VAC14: variants seen among roughly 807,000 people sequenced by gnomAD.
The protein encoded by VAC14 is protein VAC14 homolog.
In VAC14, 47 loss-of-function variants were observed where a neutral mutation model predicts 85.3. The ratio of observed to expected loss-of-function variants is 0.55; its 90% CI spans 0.44 to 0.70. The LOEUF (loss-of-function observed/expected upper bound fraction) is 0.70, where lower values mean the gene tolerates loss of function less well. Among genes scored for constraint, VAC14 ranks in the 30% least tolerant of loss-of-function variants. VAC14 has a pLI of 0.00. For synonymous variants in VAC14, 447 were observed against 430.5 expected, an observed-to-expected ratio of 1.04 and a Z score of -0.47; for missense variants, 861 against 1,004.3, an observed-to-expected ratio of 0.86 and a Z score of 1.93.
intron 4 of VAC14, among the ~76,000 whole-genome samples, chr16:70,784,493 C>T (rs2033958796): frequency 6.6e-6 from 1 of 152,102 alleles, no homozygotes; most frequent in Non-Finnish European, 1.5e-5. Context: ...TGCCCAGGCC[C>T]CTGCTGTCAG....
intron 14 of VAC14, among the ~76,000 whole-genome samples, chr16:70,713,086 A>C (rs1281713580): frequency 6.6e-6 from 1 of 152,212 alleles, no homozygotes; most frequent in African/African-American, 2.4e-5. Flanking sequence ...GTTTCATCTA[A>C]AACCAGGCAA....
chr16:70,737,561 G>A (rs2054798195), intron 13 of VAC14, among the ~76,000 whole-genome samples: 1 of 152,184 alleles, frequency 6.6e-6, no homozygotes, highest in Non-Finnish European at 1.5e-5. Context: ...CAAGTGAGGA[G>A]CCTGCCAGCC....
chr16:70,760,678 G>A (rs2032256638), intron 12 of VAC14, among the ~76,000 whole-genome samples: 1 of 152,190 alleles, frequency 6.6e-6, no homozygotes, highest in South Asian at 2.1e-4. Context: ...GAACAGCGCT[G>A]TTTAATGGAC....
intron 14 of VAC14, among the ~76,000 whole-genome samples, chr16:70,721,007 G>A (rs1597881869): frequency 6.6e-6 from 1 of 152,256 alleles, no homozygotes; most frequent in African/African-American, 2.4e-5. Context: ...AGGCCAAAGT[G>A]GATGATGCGA....
intron 14 of VAC14, among the ~76,000 whole-genome samples, chr16:70,721,332 T>G (rs2054286771): frequency 6.8e-6 from 1 of 148,058 alleles, no homozygotes; most frequent in African/African-American, 2.5e-5. Flanking sequence ...GGGATGGGGA[T>G]GGGAGGAAGG....
chr16:70,731,047 G>T (rs755674984), intron 14 of VAC14, among the ~76,000 whole-genome samples: 4 of 152,144 alleles, frequency 2.6e-5, no homozygotes, highest in Non-Finnish European at 5.9e-5. Flanking sequence ...CCAGCCTCTG[G>T]GGCTGGTGCC....
At chr16:70,795,263 G>C (rs1272912292) in intron 1 of VAC14, among the ~76,000 whole-genome samples, 1 of 151,960 alleles carries the variant, frequency 6.6e-6, no homozygotes, top group African/African-American at 2.4e-5. Flanking sequence ...TCAGGAGATC[G>C]GGACCATCCT....
At chr16:70,793,150 C>G (rs1343242028) in intron 1 of VAC14, among the ~76,000 whole-genome samples, 1 of 152,204 alleles carries the variant, frequency 6.6e-6, no homozygotes, top group East Asian at 1.9e-4. Context: ...TATACACTTT[C>G]ACACAGTGCT....
At chr16:70,729,681 C>G (rs2054533475) in intron 14 of VAC14, among the ~76,000 whole-genome samples, 2 of 152,070 alleles carry the variant, frequency 1.3e-5, no homozygotes, top group Admixed American at 1.3e-4. Flanking sequence ...CCAACCATTA[C>G]AGTCTGGAAC....
chr16:70,688,787 C>T (rs553173241), intron 18 of VAC14: 81 of 985,482 alleles, frequency 8.2e-5, no homozygotes, highest in Non-Finnish European at 9.6e-5. Context: ...CTTGCTGTCC[C>T]TGTCAAGCCC....
At chr16:70,703,910 G>A (rs2053875290) in intron 14 of VAC14, among the ~76,000 whole-genome samples, 1 of 152,230 alleles carries the variant, frequency 6.6e-6, no homozygotes, top group African/African-American at 2.4e-5. Flanking sequence ...GCTGAGACCA[G>A]GGTAGGAGAG....
At chr16:70,721,514 G>C (rs1445616971) in intron 14 of VAC14, among the ~76,000 whole-genome samples, 1 of 152,174 alleles carries the variant, frequency 6.6e-6, no homozygotes, top group African/African-American at 2.4e-5. Context: ...CATCAGGAGA[G>C]GTCTCTGTGG....
Position 70,761,905 on chromosome 16 carries a change from C to T in VAC14, c.1371+635G>A, listed in dbSNP as rs1164288443. ...TTTTACATGGATCATTTCCCTCTCACATCCCCCTATGGTTACTGCCCTCAT... is the reference window on the plus strand; with the variant it reads ...TTTTACATGGATCATTTCCCTCTCATATCCCCCTATGGTTACTGCCCTCAT... On this transcript the variant is annotated intron_variant, in intron 12 of 18. Coordinates refer to ENST00000261776, the MANE Select transcript of VAC14 (RefSeq NM_018052.5). 3.3e-5 allele frequency among the ~76,000 whole-genome samples: 5 copies of T among 152,232 alleles called. No homozygotes were observed. In the South Asian group the frequency reaches 8.3e-4, roughly 25 times the overall value.
chr16:70,779,260 T>A (rs575880038), intron 9 of VAC14: 1 of 152,276 alleles, frequency 6.6e-6, no homozygotes, highest in Non-Finnish European at 1.5e-5. Context: ...GGGGCATGCA[T>A]GCTTGACATT....
chr16:70,746,092 C>G (rs1346837060), intron 12 of VAC14, among the ~76,000 whole-genome samples: 3 of 152,216 alleles, frequency 2.0e-5, no homozygotes, highest in African/African-American at 7.2e-5. Context: ...CCTACCCCCT[C>G]AAAAGCCATT....
intron 13 of VAC14, 49 bp from the exon 14 acceptor site, chr16:70,731,676 A>T: frequency 7.0e-6 from 11 of 1,567,686 alleles, no homozygotes; most frequent in Non-Finnish European, 9.5e-6. Context: ...ATGTGTCCAC[A>T]GGGTGATGAG....
rs145204669 is a variant in VAC14 at position 70,735,956 on chromosome 16, C to G, written c.1529-4329G>C. On this transcript the variant is annotated intron_variant, in intron 13 of 18. Coordinates refer to ENST00000261776, the MANE Select transcript of VAC14 (RefSeq NM_018052.5). ...GGGCTGATCTCTAAAGAGGTGGCTG[C>G]AGAGACAGCTGTTGAGACAGCCCTG... Among the ~76,000 whole-genome samples, 554 of 152,358 alleles carry G rather than the reference C, an allele frequency of 3.6e-3. 2 individuals are homozygous for G. The highest frequency in any genetic ancestry group is 0.014 in the South Asian group (69 of 4,832).
intron 14 of VAC14, among the ~76,000 whole-genome samples, chr16:70,717,824 C>CT (rs1020262444): frequency 6.6e-6 from 1 of 152,090 alleles, no homozygotes. Flanking sequence ...TTATATTTCT[C>CT]TTTTTTTGTA....
At chr16:70,716,492 C>A (rs1172264703) in intron 14 of VAC14, 1 of 152,308 alleles carries the variant, frequency 6.6e-6, no homozygotes, top group Admixed American at 6.5e-5. Flanking sequence ...CTGGCCCAGG[C>A]CCTCCTCCGT....
Sources: gnomAD v4.1 joint callset for allele counts (sites outside exome capture counted in the v4.1 genomes callset) on GRCh38, gnomAD v4.1.1 for gene constraint, MANE v1.5 for transcripts, NCBI Gene and HGNC (gene_info 2026-07-23, HGNC 2026-07-21) for gene names.